Variants in ABCC3 observed in about 807,000 individuals in gnomAD.
ABCC3 encodes the protein ATP binding cassette subfamily C member 3.
ABCC3 carries 121 observed loss-of-function variants against 165.3 expected under a neutral mutation model. The ratio of observed to expected loss-of-function variants is 0.73; its 90% CI spans 0.63 to 0.85. ABCC3 has a LOEUF of 0.85. ABCC3 is among the 40% of genes least tolerant of loss of function. The pLI is 0.00. For synonymous variants in ABCC3, 733 were observed against 810.1 expected (o/e 0.90, Z 1.62); for missense variants, 1,869 against 1,964.1 (o/e 0.95, Z 0.92).
At chr17:50,658,562 G>C in intron 6 of ABCC3, 66 bp downstream of exon 6, 1 of 1,546,380 alleles carries the variant, frequency 6.5e-7, no homozygotes, top group Non-Finnish European at 8.9e-7. Context: ...ATGGAGAAAG[G>C]GGAGCAGGGC....
intron 2 of ABCC3, 116 bp downstream of exon 2, chr17:50,656,124 C>T (rs1432224515): frequency 1.2e-5 from 11 of 932,168 alleles, no homozygotes; most frequent in Non-Finnish European, 1.5e-5. Flanking sequence ...CTCACTCTGT[C>T]GCCCAGGCTG....
chr17:50,685,019 G>A (rs906361089), intron 29 of ABCC3, 144 bp downstream of exon 29: 6 of 938,268 alleles, frequency 6.4e-6, no homozygotes, highest in Admixed American at 2.8e-5. Context: ...AGCATATTCC[G>A]TGTGCCAGGC....
rs760576754 is a variant in ABCC3 at position 50,655,968 on chromosome 17, G to A, written c.182G>A (p.Arg61His). The A allele has an allele frequency of 4.8e-5, 77 of 1,613,976 alleles. No individual in the cohort carries two copies. Among genetic ancestry groups the A allele is most frequent in the Non-Finnish European group, 6.0e-5 (71 of 1,180,022 alleles). Residue 61 changes from arginine (R) to histidine (H), a missense_variant, in exon 2 of 31, where the codon CGT becomes CAT. Arg to His is a conservative substitution (Grantham distance 29). Coordinates refer to ENST00000285238, the MANE Select transcript of ABCC3 (RefSeq NM_003786.4). ...TTGCTCTACCTGCGGCACCATTGTCGTGGCTACATCATCCTCTCCCACCTG... is the reference window on the plus strand; with the variant it reads ...TTGCTCTACCTGCGGCACCATTGTCATGGCTACATCATCCTCTCCCACCTG... ...CYLLYLRHHC[R>H]GYIILSHLSK...
intron 8 of ABCC3, chr17:50,663,448 C>T (rs574023106): frequency 5.3e-5 from 30 of 562,246 alleles, no homozygotes; most frequent in African/African-American, 4.7e-4. Context: ...ATCGATAGGG[C>T]GTGCAGCAGG....
intron 1 of ABCC3, among the ~76,000 whole-genome samples, chr17:50,643,396 C>CTACTGAA (rs944063772): frequency 6.6e-6 from 1 of 152,238 alleles, no homozygotes; most frequent in Non-Finnish European, 1.5e-5. Context: ...CTGAATAGGA[C>CTACTGAA]TACTGAATAC....
chr17:50,686,535 TG>T (rs1481581071), intron 29 of ABCC3, among the ~76,000 whole-genome samples: 1 of 152,126 alleles, frequency 6.6e-6, no homozygotes, highest in East Asian at 1.9e-4. Context: ...TGGGGGTGGC[TG>T]GCGGACAAAC....
At position 50,656,904 on chromosome 17, in the gene ABCC3, TCTGAGGAGAGGG is replaced by T. The variant is rs1389776620; in HGVS notation, c.348+81_348+92del. 3 of 1,551,588 alleles carry T rather than the reference TCTGAGGAGAGGG, an allele frequency of 1.9e-6. No homozygotes were observed. In the African/African-American group the frequency reaches 4.1e-5, roughly 21 times the overall value. On this transcript the variant is annotated intron_variant, in intron 3 of 30. Transcript: ENST00000285238. ...GGACTGTGATAGGGAAACTGTGGGC[TCTGAGGAGAGGG>T]CTGGACATATTGGGAATGGGAAGAA...
At chr17:50,671,418 T>A (rs1967644131) in intron 17 of ABCC3, among the ~76,000 whole-genome samples, 1 of 151,752 alleles carries the variant, frequency 6.6e-6, no homozygotes, top group South Asian at 2.1e-4. Context: ...CCACTGCCCC[T>A]AGGCCCCAGT....
intron 25 of ABCC3, 90 bp from the exon 26 acceptor site, chr17:50,679,708 G>A (rs921547735): frequency 2.4e-6 from 3 of 1,232,620 alleles, no homozygotes; most frequent in Middle Eastern, 2.0e-4. Context: ...CCCATGGATG[G>A]GCACATGATC....
At chr17:50,650,516 A>G (rs1967095051) in intron 1 of ABCC3, among the ~76,000 whole-genome samples, 1 of 151,680 alleles carries the variant, frequency 6.6e-6, no homozygotes, top group Admixed American at 6.6e-5. Flanking sequence ...ACCTCCTACA[A>G]CTCTTATATC....
At chr17:50,655,516 G>T (rs542239034) in intron 1 of ABCC3, among the ~76,000 whole-genome samples, 2 of 151,774 alleles carry the variant, frequency 1.3e-5, no homozygotes, top group South Asian at 4.2e-4. Context: ...TAACATGGGA[G>T]CAGTTTTGCA....
Position 50,669,424 on chromosome 17 carries a change from A to C in ABCC3, c.2137A>C (p.Lys713Gln), listed in dbSNP as rs1567833686. 1 of 1,614,262 alleles carries C rather than the reference A, an allele frequency of 6.2e-7. No homozygotes were observed. The part of the protein sequence containing the change: ...CTLQENVLFG[K>Q]ALNPKRYQQT... ...TCTTCAGGAAAACGTGCTTTTCGGC[A>C]AAGCCCTGAACCCCAAGCGCTACCA... is the stretch of plus-strand genomic sequence containing the variant. The change falls in exon 17 of 31, where the codon AAA becomes CAA. Residue 713 changes from lysine to glutamine, a missense_variant. By Grantham distance (53) the Lys-to-Gln change is moderately conservative. Transcript: ENST00000285238.
intron 30 of ABCC3, 57 bp downstream of exon 30, chr17:50,687,787 G>A: frequency 1.3e-6 from 2 of 1,544,218 alleles, no homozygotes; most frequent in Non-Finnish European, 1.8e-6. Context: ...GGGGCATCAG[G>A]AATGGGCAGG....
At chr17:50,682,504 GC>G (rs1967946743) in intron 26 of ABCC3, among the ~76,000 whole-genome samples, 1 of 150,588 alleles carries the variant, frequency 6.6e-6, no homozygotes, top group Admixed American at 6.6e-5. Flanking sequence ...CTTACCTCTT[GC>G]CTTTGCCAGT....
At chr17:50,679,649 T>C (rs1967891893) in intron 25 of ABCC3, 149 bp from the exon 26 acceptor site, 1 of 650,688 alleles carries the variant, frequency 1.5e-6, no homozygotes, top group African/African-American at 1.8e-5. Flanking sequence ...CCAGCTGGCA[T>C]GCCTGTGGGC....
chr17:50,676,119 C>T lies in ABCC3; in HGVS notation c.3067+29C>T, dbSNP rs1454521431. 4 of 1,611,572 alleles carry T rather than the reference C, an allele frequency of 2.5e-6. No individual in the cohort carries two copies. The Admixed American group carries it at 5.0e-5, about 20-fold the overall frequency. On this transcript the variant is annotated intron_variant, in intron 22 of 30. Transcript: ENST00000285238. Reference sequence around the variant, plus strand: ...AGCTTGTGGGGGTGTCCAGAAGGGGCTCCAATATCCCTTCTTCTCTGGGCT... The same window carrying T: ...AGCTTGTGGGGGTGTCCAGAAGGGGTTCCAATATCCCTTCTTCTCTGGGCT...
intron 25 of ABCC3, chr17:50,678,941 C>T (rs1268496560): frequency 2.0e-5 from 3 of 151,986 alleles, no homozygotes; most frequent in African/African-American, 7.3e-5. Context: ...AAAAAAAGTC[C>T]AGAGGAGTTT....
intron 25 of ABCC3, chr17:50,679,266 CA>C (rs1246248676): frequency 6.6e-6 from 1 of 152,272 alleles, no homozygotes; most frequent in Non-Finnish European, 1.5e-5. Context: ...AACGCGTTGG[CA>C]AACAAAAAAC....
At chr17:50,668,312 G>A in intron 13 of ABCC3, 118 bp from the exon 14 acceptor site, 1 of 816,606 alleles carries the variant, frequency 1.2e-6, no homozygotes, top group Non-Finnish European at 2.0e-6. Context: ...GGACCCCAGT[G>A]CTAGTGTCTG....
Sources: gnomAD v4.1 joint callset for allele counts (sites outside exome capture counted in the v4.1 genomes callset) on GRCh38, gnomAD v4.1.1 for gene constraint, MANE v1.5 for transcripts, NCBI Gene and HGNC (gene_info 2026-07-23, HGNC 2026-07-21) for gene names.